Variants in CDH4 observed in about 807,000 individuals in gnomAD.
CDH4 encodes the protein cadherin 4.
Under a neutral mutation model 86.0 loss-of-function variants are expected in CDH4, and 33 were observed. The ratio of observed to expected loss-of-function variants is 0.38; its 90% CI spans 0.29 to 0.51. CDH4 has a LOEUF of 0.51. Ranked by LOEUF, CDH4 falls within the 20% of genes least tolerant of loss-of-function variation. The pLI is 0.86. For synonymous variants in CDH4, 555 were observed against 549.4 expected (o/e 1.01, Z -0.14); for missense variants, 1,114 against 1,307.4 (o/e 0.85, Z 2.28).
At chr20:61,404,144 C>G (rs73915016) in intron 2 of CDH4, among the ~76,000 whole-genome samples, 2,356 of 56,012 alleles carry the variant, frequency 0.042, 22 homozygotes, top group African/African-American at 0.17. Context: ...AGCTGAGCTG[C>G]TACAGCCAGG....
intron 2 of CDH4, among the ~76,000 whole-genome samples, chr20:61,292,742 C>A (rs974762631): frequency 6.6e-6 from 1 of 152,250 alleles, no homozygotes; most frequent in African/African-American, 2.4e-5. Flanking sequence ...CTTTGAGGTG[C>A]CAGAAACACG....
intron 2 of CDH4, among the ~76,000 whole-genome samples, chr20:61,552,291 C>T (rs917594350): frequency 1.3e-5 from 2 of 152,076 alleles, no homozygotes; most frequent in African/African-American, 4.8e-5. Context: ...ACAAATAACT[C>T]AATTTCAAAT....
chr20:61,598,388 A>AC (rs1159894949), intron 2 of CDH4, among the ~76,000 whole-genome samples: 6 of 123,004 alleles, frequency 4.9e-5, no homozygotes, highest in Non-Finnish European at 1.0e-4. Context: ...GAGGTCATGC[A>AC]CCCCCCAAAA....
chr20:61,877,547 G>GAACA (rs1984086626), intron 7 of CDH4, among the ~76,000 whole-genome samples: 1 of 152,200 alleles, frequency 6.6e-6, no homozygotes, highest in South Asian at 2.1e-4. Flanking sequence ...CTGGGGATGT[G>GAACA]AACAGCCCGG....
Position 61,663,610 on chromosome 20 carries a change from G to C in CDH4, c.170-79953G>C, listed in dbSNP as rs1386437415. Among the ~76,000 whole-genome samples the C allele has an allele frequency of 5.3e-5, 8 of 152,228 alleles. No homozygotes were observed. In the East Asian group the frequency reaches 1.2e-3, roughly 22 times the overall value. On this transcript the variant is annotated intron_variant, in intron 2 of 15. Coordinates refer to ENST00000614565, the MANE Select transcript of CDH4 (RefSeq NM_001794.5). The surrounding 1 kb of genome is among the most constrained non-coding windows in gnomAD (Gnocchi z 5.0). The stretch of plus-strand genomic sequence containing the variant: ...GGAGCTGCTGGGACGGCAGGACCGG[G>C]TGTGTGTGTCCAAGAGACCATCTTG...
At chr20:61,870,312 C>G (rs1174543819) in intron 6 of CDH4, among the ~76,000 whole-genome samples, 2 of 152,212 alleles carry the variant, frequency 1.3e-5, no homozygotes, top group African/African-American at 4.8e-5. Flanking sequence ...GCCAGCTGGG[C>G]ACAGGGTGGG....
chr20:61,436,160 G>T (rs771822447), intron 2 of CDH4, among the ~76,000 whole-genome samples: 3 of 152,042 alleles, frequency 2.0e-5, no homozygotes, highest in Non-Finnish European at 4.4e-5. Flanking sequence ...TCCTAGTCTC[G>T]GCTTCAACCC....
intron 2 of CDH4, among the ~76,000 whole-genome samples, chr20:61,629,800 G>A (rs530664670): frequency 1.3e-4 from 20 of 152,286 alleles, no homozygotes; most frequent in East Asian, 1.9e-4. Context: ...TCCAGGTTCC[G>A]TCCTCCCTGC....
rs147078732 is a variant in CDH4 at position 61,791,588 on chromosome 20, G to A, written c.576+18406G>A. ...CTATACATTGCTGGTGGAGACAGGC[G>A]GTAAAGGCAAGAACAGATGGGAGGA... On this transcript the variant is annotated intron_variant, in intron 4 of 15. Transcript: ENST00000614565. Among the ~76,000 whole-genome samples the A allele has an allele frequency of 1.1e-4, 16 of 152,294 alleles. No homozygotes were observed. In the East Asian group the frequency reaches 1.4e-3, roughly 13 times the overall value.
intron 2 of CDH4, among the ~76,000 whole-genome samples, chr20:61,277,392 TTAGA>T (rs1183426091): frequency 5.9e-5 from 9 of 152,204 alleles, no homozygotes; most frequent in Admixed American, 4.6e-4. Context: ...TATGCATGTG[TTAGA>T]TAGCAGCGAG....
chr20:61,360,070 T>A (rs1395771267), intron 2 of CDH4, among the ~76,000 whole-genome samples: 4 of 151,570 alleles, frequency 2.6e-5, no homozygotes, highest in Non-Finnish European at 5.9e-5. Context: ...TTAACCAGAA[T>A]CACTAAAATC....
At chr20:61,437,449 G>A (rs532449877) in intron 2 of CDH4, 64 of 152,262 alleles carry the variant, frequency 4.2e-4, no homozygotes, top group African/African-American at 1.3e-3. Flanking sequence ...AAAATGCCTC[G>A]CTTCCTTTTC....
intron 2 of CDH4, among the ~76,000 whole-genome samples, chr20:61,348,649 C>A (rs2084693115): frequency 6.6e-6 from 1 of 152,182 alleles, no homozygotes; most frequent in Non-Finnish European, 1.5e-5. Context: ...TATCTTCTTT[C>A]AATAATCTGG....
chr20:61,366,584 C>A (rs1364398141), intron 2 of CDH4, among the ~76,000 whole-genome samples: 4 of 152,180 alleles, frequency 2.6e-5, no homozygotes, highest in Non-Finnish European at 5.9e-5. Context: ...CTAAAAGTAC[C>A]CCTTATGGGA....
intron 2 of CDH4, among the ~76,000 whole-genome samples, chr20:61,389,856 T>C (rs1261357590): frequency 6.6e-6 from 1 of 151,498 alleles, no homozygotes; most frequent in Admixed American, 6.6e-5. Context: ...GTGCCCATAG[T>C]GCCGTGTCTG....
intron 4 of CDH4, among the ~76,000 whole-genome samples, chr20:61,787,625 A>T (rs1978953455): frequency 1.3e-5 from 2 of 152,236 alleles, no homozygotes; most frequent in Non-Finnish European, 2.9e-5. Flanking sequence ...CAGGGAACAG[A>T]TGGAACAGTC....
At chr20:61,707,195 C>T (rs934626324) in intron 2 of CDH4, among the ~76,000 whole-genome samples, 3 of 152,214 alleles carry the variant, frequency 2.0e-5, no homozygotes, top group African/African-American at 7.2e-5. Flanking sequence ...GCCAGTGGTC[C>T]TGAGCTCCCT....
intron 2 of CDH4, among the ~76,000 whole-genome samples, chr20:61,431,498 T>C (rs1447246123): frequency 1.3e-5 from 2 of 151,814 alleles, no homozygotes; most frequent in African/African-American, 4.8e-5. Context: ...TAGCTGGTAC[T>C]ACGAGTGCAT....
rs750019719 is a variant in CDH4, at chr20:61,844,742, G to A, written c.651G>A (p.Met217Ile). ...GAGTGGGCGCCGACCAGCCCCCCATGGAGGTCTTCAGCATTGACTCCATGT... is the reference window on the plus strand; with the variant it reads ...GAGTGGGCGCCGACCAGCCCCCCATAGAGGTCTTCAGCATTGACTCCATGT... ...ITGVGADQPP[M>I]EVFSIDSMSG... is the part of the protein sequence containing the mutation. Residue 217 changes from methionine (M) to isoleucine (I), a missense_variant, in exon 5 of 16, where the codon ATG (methionine) becomes ATA (isoleucine). Physicochemically the swap from Met to Ile is conservative, Grantham distance 10. Around this residue, in one of 3 missense-constraint regions of CDH4, gnomAD observed 705 missense variants for 914.1 expected, o/e 0.77. Coordinates refer to ENST00000614565, the MANE Select transcript of CDH4 (RefSeq NM_001794.5). 6.2e-7 allele frequency: 1 copy of A among 1,614,066 alleles called. No homozygotes were observed. Among genetic ancestry groups the A allele is most frequent in the Non-Finnish European group, 8.5e-7 (1 of 1,179,962 alleles).
Sources: gnomAD v4.1 joint callset for allele counts (sites outside exome capture counted in the v4.1 genomes callset) on GRCh38, gnomAD v4.1.1 for gene constraint, gnomAD v4.1.1 regional missense constraint, Gnocchi (gnomAD v3.1) non-coding constraint, MANE v1.5 for transcripts, NCBI Gene and HGNC (gene_info 2026-07-23, HGNC 2026-07-21) for gene names.